CNTNAP5: variants seen among roughly 807,000 people sequenced by gnomAD.
CNTNAP5 encodes the protein contactin associated protein family member 5, also known as contactin-associated protein-like 5.
CNTNAP5 carries 72 observed loss-of-function variants against 150.2 expected under a neutral mutation model. The ratio of observed to expected loss-of-function variants is 0.48; its 90% CI spans 0.40 to 0.58. CNTNAP5 has a LOEUF of 0.58. Among genes scored for constraint, CNTNAP5 ranks in the 20% least tolerant of loss-of-function variants. The pLI is 0.00. For synonymous variants in CNTNAP5, 672 were observed against 619.8 expected (o/e 1.08, Z -1.25); for missense variants, 1,636 against 1,626.2 (o/e 1.01, Z -0.10).
chr2:124,482,183 C>T (rs17011550), intron 7 of CNTNAP5, among the ~76,000 whole-genome samples: 1 of 152,120 alleles, frequency 6.6e-6, no homozygotes, highest in East Asian at 1.9e-4. Flanking sequence ...ATTCGAAGAT[C>T]CTGTATTTCA....
At chr2:124,324,710 T>A (rs965176545) in intron 3 of CNTNAP5, among the ~76,000 whole-genome samples, 5 of 152,174 alleles carry the variant, frequency 3.3e-5, no homozygotes, top group Non-Finnish European at 7.3e-5. Context: ...GCCTGCATGC[T>A]GTATTACTGA....
In CNTNAP5 at chr2:124,680,593, T is replaced by G. The variant is rs914541082; in HGVS notation, c.2077+32635T>G. Reference sequence around the variant, plus strand: ...AAATCTGGATCTCCTCAGGGGCATATTCTGTTGGCTATATTTCCCCCCACC... The same window carrying G: ...AAATCTGGATCTCCTCAGGGGCATAGTCTGTTGGCTATATTTCCCCCCACC... On this transcript the variant is annotated intron_variant, in intron 13 of 23. Transcript: ENST00000682447. 2.0e-5 allele frequency: 3 copies of G among 151,874 alleles called. No individual in the cohort carries two copies. In the Admixed American group the frequency reaches 2.0e-4, roughly 10 times the overall value. 9.4% of individuals were successfully genotyped at this position (151,874 alleles called of 1,614,324 possible).
In CNTNAP5 at chr2:124,820,952, A is replaced by C. The variant is rs1682472944; in HGVS notation, c.3217+22632A>C. On this transcript the variant is annotated intron_variant, in intron 19 of 23. Transcript: ENST00000682447. The stretch of plus-strand genomic sequence containing the variant: ...TCTATTTCTCAAGATAGAAGAAAAG[A>C]GTGAACAAACTTGTGGAAATATGCA... Among the ~76,000 whole-genome samples, 3 of 152,252 alleles carry C rather than the reference A, an allele frequency of 2.0e-5. No individual in the cohort carries two copies. In the South Asian group the frequency reaches 6.2e-4, roughly 31 times the overall value.
At chr2:124,510,947 T>A (rs1694573415) in intron 8 of CNTNAP5, among the ~76,000 whole-genome samples, 1 of 152,180 alleles carries the variant, frequency 6.6e-6, no homozygotes, top group Admixed American at 6.6e-5. Context: ...AGCTCCCAGT[T>A]CTTTCTTACT....
At chr2:124,818,730 T>G (rs1203123696) in intron 19 of CNTNAP5, among the ~76,000 whole-genome samples, 2 of 152,000 alleles carry the variant, frequency 1.3e-5, no homozygotes. Flanking sequence ...ACTGCAGTAG[T>G]CTCTTCTCCA....
chr2:124,123,484 A>T (rs1214978799), intron 1 of CNTNAP5, among the ~76,000 whole-genome samples: 1 of 152,188 alleles, frequency 6.6e-6, no homozygotes, highest in African/African-American at 2.4e-5. Flanking sequence ...GGGACAGGGC[A>T]TAGTTGAACA....
intron 6 of CNTNAP5, among the ~76,000 whole-genome samples, chr2:124,456,952 T>A (rs1335098083): frequency 6.6e-6 from 1 of 152,210 alleles, no homozygotes; most frequent in East Asian, 1.9e-4. Flanking sequence ...GACCTGAAAC[T>A]ACGAAAGTTC....
At chr2:124,730,892 A>G (rs1309812050) in intron 13 of CNTNAP5, among the ~76,000 whole-genome samples, 1 of 152,126 alleles carries the variant, frequency 6.6e-6, no homozygotes, top group Non-Finnish European at 1.5e-5. Flanking sequence ...GGGCTGTGAA[A>G]TAGGAGATAC....
At chr2:124,127,207 A>G (rs1242309325) in intron 1 of CNTNAP5, among the ~76,000 whole-genome samples, 1 of 152,228 alleles carries the variant, frequency 6.6e-6, no homozygotes, top group Non-Finnish European at 1.5e-5. Context: ...CAACTTCAGC[A>G]AAGTCTCAGG....
intron 13 of CNTNAP5, among the ~76,000 whole-genome samples, chr2:124,733,576 TTTGA>T (rs1489431822): frequency 6.6e-6 from 1 of 151,924 alleles, no homozygotes; most frequent in African/African-American, 2.4e-5. Flanking sequence ...AACAACCCAA[TTTGA>T]TTGAGGAAGA....
chr2:124,308,371 A>G (rs1688742810), intron 3 of CNTNAP5, among the ~76,000 whole-genome samples: 1 of 152,184 alleles, frequency 6.6e-6, no homozygotes, highest in African/African-American at 2.4e-5. Flanking sequence ...CTCAGCTAGC[A>G]GACTAAATTT....
chr2:124,540,273 T>C (rs1695346426), intron 10 of CNTNAP5, among the ~76,000 whole-genome samples: 1 of 152,206 alleles, frequency 6.6e-6, no homozygotes, highest in Non-Finnish European at 1.5e-5. Context: ...TCAGATGTGG[T>C]TCCCAAGTAA....
At chr2:124,773,213 C>T (rs1681244317) in intron 17 of CNTNAP5, among the ~76,000 whole-genome samples, 196 bp downstream of exon 17, 1 of 152,126 alleles carries the variant, frequency 6.6e-6, no homozygotes, top group Non-Finnish European at 1.5e-5. Context: ...ATAATGCTAA[C>T]CTTTAGCAAA....
intron 3 of CNTNAP5, among the ~76,000 whole-genome samples, chr2:124,251,274 A>C (rs912584460): frequency 3.2e-4 from 46 of 145,628 alleles, no homozygotes; most frequent in African/African-American, 1.1e-3. Flanking sequence ...TCATAGGAAA[A>C]AGAAACAGTT....
intron 17 of CNTNAP5, among the ~76,000 whole-genome samples, chr2:124,776,993 A>G (rs1170238138): frequency 1.3e-5 from 2 of 152,138 alleles, no homozygotes; most frequent in Non-Finnish European, 2.9e-5. Context: ...ATGTCCCCTT[A>G]CCAATTACAT....
At position 124,242,266 on chromosome 2, in the gene CNTNAP5, G is replaced by A. The variant is rs1269709526; in HGVS notation, c.254G>A (p.Arg85Lys). 6.2e-7 allele frequency: 1 copy of A among 1,608,318 alleles called. No homozygotes were observed. The highest frequency in any genetic ancestry group is 1.7e-5 in the Admixed American group (1 of 59,154). The change falls in exon 3 of 24, where the codon AGA (arginine) becomes AAA (lysine). Residue 85 changes from arginine to lysine, a missense_variant. Arg to Lys is a conservative substitution (Grantham distance 26). Coordinates refer to ENST00000682447, the MANE Select transcript of CNTNAP5 (RefSeq NM_001367498.1). ...TGGCTCCAGATGGACCTGGGAAACA[G>A]AGTAGAGATTACAGCAGTGGCCACG... ...QQWLQMDLGN[R>K]VEITAVATQG...
chr2:124,915,899 G>A lies in CNTNAP5; in HGVS notation c.*1611G>A, dbSNP rs772591956. Among the ~76,000 whole-genome samples the A allele has an allele frequency of 3.3e-5, 5 of 152,008 alleles. No homozygotes were observed. Among genetic ancestry groups the A allele is most frequent in the Non-Finnish European group, 5.9e-5 (4 of 67,946 alleles). On this transcript the variant is annotated 3_prime_UTR_variant, in exon 24 of 24. Transcript: ENST00000682447. ...GGAAATGCTCATGTAATGATTCTTA[G>A]GTGTGGAAAATACTTGCTGATTCTC...
intron 1 of CNTNAP5, among the ~76,000 whole-genome samples, chr2:124,135,508 G>GA (rs926259187): frequency 4.0e-5 from 6 of 151,216 alleles, no homozygotes; most frequent in Admixed American, 6.6e-5. Flanking sequence ...GAAAGACTAG[G>GA]AAAAAAAAAT....
At position 124,030,570 on chromosome 2, in the gene CNTNAP5, T is replaced by A. The variant is rs56387872; in HGVS notation, c.82+4838T>A. On this transcript the variant is annotated intron_variant, in intron 1 of 23. Transcript: ENST00000682447. ...CTGTGGAAACTTGACATGGGTTCTTTATGGTTAATTTCTGTAGCTCTACCC... is the reference window on the plus strand; with the variant it reads ...CTGTGGAAACTTGACATGGGTTCTTAATGGTTAATTTCTGTAGCTCTACCC... Among the ~76,000 whole-genome samples, 1,137 of 152,210 alleles carry A rather than the reference T, an allele frequency of 7.5e-3. 9 individuals carry two copies. Among genetic ancestry groups the A allele is most frequent in the Non-Finnish European group, 0.013 (852 of 67,982 alleles).
Sources: allele counts gnomAD v4.1 joint callset (sites outside exome capture counted in the v4.1 genomes callset), GRCh38; gene constraint gnomAD v4.1.1; transcripts MANE v1.5; gene names NCBI Gene and HGNC (gene_info 2026-07-23, HGNC 2026-07-21).